Variants in GSE1 observed in about 807,000 individuals in gnomAD.
GSE1 encodes the protein Gse1 coiled-coil protein, also known as genetic suppressor element 1.
Under a neutral mutation model 112.6 loss-of-function variants are expected in GSE1, and 32 were observed. The ratio of observed to expected loss-of-function variants is 0.28; its 90% CI spans 0.21 to 0.38. The LOEUF (loss-of-function observed/expected upper bound fraction) is 0.38. GSE1 is among the 10% of genes least tolerant of loss of function. The pLI, the probability that GSE1 is intolerant of heterozygous loss-of-function variation, is 1.00. For synonymous variants in GSE1, 1,115 were observed against 735.6 expected (o/e 1.52, Z -8.35); for missense variants, 2,348 against 1,699.2 (o/e 1.38, Z -6.71).
chr16:85,617,284 G>A (rs910620239), intron 1 of GSE1, among the ~76,000 whole-genome samples: 1 of 152,230 alleles, frequency 6.6e-6, no homozygotes, highest in East Asian at 1.9e-4. Context: ...GTCCAGGCCT[G>A]GAGGAAGGAG....
intron 8 of GSE1, among the ~76,000 whole-genome samples, chr16:85,659,877 C>T (rs1369673722): frequency 2.6e-5 from 4 of 152,374 alleles, no homozygotes; most frequent in Non-Finnish European, 4.4e-5. Context: ...CACTTTGAGG[C>T]CTCTGCCACA....
At chr16:85,654,655 G>A (rs2051749795) in intron 4 of GSE1, 139 bp from the exon 5 acceptor site, 1 of 729,154 alleles carries the variant, frequency 1.4e-6, no homozygotes. Context: ...CGCTGCTTAA[G>A]CCCCGTCCTC....
At chr16:85,248,751 C>G (rs1444337442) in intron 1 of GSE1, among the ~76,000 whole-genome samples, 2 of 152,212 alleles carry the variant, frequency 1.3e-5, no homozygotes, top group East Asian at 1.9e-4. Context: ...CCCATTGATA[C>G]CAGCTCAGAA....
chr16:85,200,878 C>T (rs901816323), intron 1 of GSE1, among the ~76,000 whole-genome samples: 2 of 152,216 alleles, frequency 1.3e-5, no homozygotes, highest in African/African-American at 2.4e-5. Context: ...CCCCGGTAAA[C>T]ATGAACTCCA....
chr16:85,334,134 C>T (rs913873455), intron 1 of GSE1, among the ~76,000 whole-genome samples: 15 of 152,218 alleles, frequency 9.9e-5, no homozygotes, highest in Admixed American at 8.5e-4. Flanking sequence ...TCTGAGCCCA[C>T]GCGGCCTTCC....
In GSE1 at chr16:85,647,787, A is replaced by C. The variant is rs1158983107; in HGVS notation, c.227-765A>C. Reference sequence around the variant, plus strand: ...TTTTTAGTAGAGACAGGGTTTCACCATGTTGGCCAGGATGGTCTCGAACTC... The same window carrying C: ...TTTTTAGTAGAGACAGGGTTTCACCCTGTTGGCCAGGATGGTCTCGAACTC... On this transcript the variant is annotated intron_variant, in intron 2 of 15. Transcript: ENST00000253458. 2.0e-5 allele frequency among the ~76,000 whole-genome samples: 3 copies of C among 152,130 alleles called. No individual in the cohort carries two copies. In the East Asian group the frequency reaches 5.8e-4, roughly 30 times the overall value.
chr16:85,387,257 C>T (rs180884516), intron 2 of GSE1, among the ~76,000 whole-genome samples: 1 of 152,256 alleles, frequency 6.6e-6, no homozygotes, highest in African/African-American at 2.4e-5. Flanking sequence ...GAGTCTCACG[C>T]CCAGTGACTC....
chr16:85,172,145 C>T (rs2074369563), intron 1 of GSE1, among the ~76,000 whole-genome samples: 2 of 152,150 alleles, frequency 1.3e-5, no homozygotes, highest in African/African-American at 4.8e-5. Flanking sequence ...CGGGGCATGT[C>T]TGTCATCCGC....
chr16:85,606,052 CT>C (rs2047690419), intron 1 of GSE1, among the ~76,000 whole-genome samples: 1 of 152,218 alleles, frequency 6.6e-6, no homozygotes, highest in Non-Finnish European at 1.5e-5. Flanking sequence ...CCGCCAGCCC[CT>C]GCCCTCCTTC....
chr16:85,656,965 G>T (rs2151937117), intron 7 of GSE1, among the ~76,000 whole-genome samples: 1 of 152,350 alleles, frequency 6.6e-6, no homozygotes, highest in South Asian at 2.1e-4. Context: ...CAATTGTCCA[G>T]TAATAACAAC....
At chr16:85,655,434 A>G (rs1383250504) in intron 5 of GSE1, among the ~76,000 whole-genome samples, 1 of 152,198 alleles carries the variant, frequency 6.6e-6, no homozygotes. Context: ...AGGGCAGCCC[A>G]GCCTGCTCGC....
chr16:85,473,530 G>A (rs748994699), intron 2 of GSE1, among the ~76,000 whole-genome samples: 1 of 152,142 alleles, frequency 6.6e-6, no homozygotes, highest in Non-Finnish European at 1.5e-5. Context: ...TGCCTCTGCC[G>A]GCTCCCCCTG....
intron 2 of GSE1, among the ~76,000 whole-genome samples, chr16:85,449,665 G>C (rs2049618543): frequency 6.6e-6 from 1 of 152,222 alleles, no homozygotes; most frequent in African/African-American, 2.4e-5. Context: ...AGGAAACACT[G>C]GTAGCCTTTG....
At chr16:85,328,415 G>C (rs911210433) in intron 1 of GSE1, among the ~76,000 whole-genome samples, 2 of 152,224 alleles carry the variant, frequency 1.3e-5, no homozygotes, top group Admixed American at 1.3e-4. Context: ...AGGCACAGCG[G>C]GGGCCGGAGG....
chr16:85,190,599 G>T (rs2074799879), intron 1 of GSE1, among the ~76,000 whole-genome samples: 1 of 152,254 alleles, frequency 6.6e-6, no homozygotes, highest in Non-Finnish European at 1.5e-5. Context: ...AGGACTCCAA[G>T]GCCCAGGAAG....
chr16:85,299,936 A>G (rs2045473532), intron 1 of GSE1, among the ~76,000 whole-genome samples: 1 of 93,748 alleles, frequency 1.1e-5, no homozygotes, highest in Admixed American at 9.1e-5. Context: ...ACCCTGTCTC[A>G]AAAAAAAAAA....
At chr16:85,314,688 T>G (rs924537418) in intron 1 of GSE1, among the ~76,000 whole-genome samples, 1 of 152,182 alleles carries the variant, frequency 6.6e-6, no homozygotes, top group East Asian at 1.9e-4. Flanking sequence ...GGTCTCTGGC[T>G]TAGAAGCCTG....
chr16:85,291,805 G>T (rs1476193491), intron 1 of GSE1, among the ~76,000 whole-genome samples: 1 of 152,170 alleles, frequency 6.6e-6, no homozygotes, highest in Non-Finnish European at 1.5e-5. Context: ...TAACCTCCTG[G>T]TTGTCTGCCT....
intron 13 of GSE1, 115 bp downstream of exon 13, chr16:85,666,462 C>G (rs1387467926): frequency 7.7e-6 from 7 of 911,196 alleles, no homozygotes; most frequent in Non-Finnish European, 1.2e-5. Flanking sequence ...TTATAAACTC[C>G]AATCACCAGA....
Sources: gnomAD v4.1 joint callset for allele counts (sites outside exome capture counted in the v4.1 genomes callset) on GRCh38, gnomAD v4.1.1 for gene constraint, MANE v1.5 for transcripts, NCBI Gene and HGNC (gene_info 2026-07-23, HGNC 2026-07-21) for gene names.